The following AGAP1 variants were observed in gnomAD, a reference collection of about 807,000 sequenced individuals.
The protein encoded by AGAP1 is ArfGAP with GTPase domain, ankyrin repeat and PH domain 1.
AGAP1 carries 29 observed loss-of-function variants against 105.3 expected under a neutral mutation model. The ratio of observed to expected loss-of-function variants is 0.28; its 90% CI spans 0.21 to 0.38. The LOEUF (loss-of-function observed/expected upper bound fraction) is 0.38, where lower values mean the gene tolerates loss of function less well. AGAP1 is among the 10% of genes least tolerant of loss of function. The probability of loss-of-function intolerance (pLI) is 1.00; values close to 1 mark genes in which losing one functional copy is unlikely to be tolerated. For synonymous variants in AGAP1, 509 were observed against 485.9 expected, an observed-to-expected ratio of 1.05 and a Z score of -0.63; for missense variants, 998 against 1,165.1, an observed-to-expected ratio of 0.86 and a Z score of 2.09.
chr2:235,624,791 G>A (rs1188768830), intron 1 of AGAP1, among the ~76,000 whole-genome samples: 1 of 152,104 alleles, frequency 6.6e-6, no homozygotes, highest in Admixed American at 6.5e-5. Context: ...TGGATCATGG[G>A]GGCAGATCCC....
At chr2:235,671,661 G>A (rs1297440234) in intron 1 of AGAP1, among the ~76,000 whole-genome samples, 2 of 152,198 alleles carry the variant, frequency 1.3e-5, no homozygotes, top group East Asian at 3.9e-4. Flanking sequence ...TTTCCTGCCA[G>A]GTGGCATCTT....
intron 1 of AGAP1, among the ~76,000 whole-genome samples, chr2:235,605,673 T>C (rs1333174726): frequency 1.3e-5 from 2 of 152,230 alleles, no homozygotes; most frequent in South Asian, 2.1e-4. Context: ...AGACTCATTC[T>C]CCATCAGAAA....
At chr2:235,815,549 G>T (rs1958404167) in intron 9 of AGAP1, among the ~76,000 whole-genome samples, 2 of 152,268 alleles carry the variant, frequency 1.3e-5, no homozygotes, top group South Asian at 4.1e-4. Flanking sequence ...GCAGAGCTGG[G>T]ACGGGAGCTG....
chr2:235,765,511 G>A (rs935221425), intron 6 of AGAP1, among the ~76,000 whole-genome samples: 7 of 152,158 alleles, frequency 4.6e-5, no homozygotes, highest in Admixed American at 4.6e-4. Context: ...TCGTTTGGGG[G>A]CTCATCGGCT....
At chr2:235,745,536 G>A (rs1952861094) in intron 5 of AGAP1, among the ~76,000 whole-genome samples, 1 of 152,200 alleles carries the variant, frequency 6.6e-6, no homozygotes, top group South Asian at 2.1e-4. Flanking sequence ...AAAGTCAGAT[G>A]GAGGTTAGCT....
chr2:235,846,383 G>T (rs1003077081), intron 9 of AGAP1, among the ~76,000 whole-genome samples: 1 of 152,010 alleles, frequency 6.6e-6, no homozygotes, highest in South Asian at 2.1e-4. Flanking sequence ...GAGTGCAGTG[G>T]TGCGATGATC....
intron 1 of AGAP1, among the ~76,000 whole-genome samples, chr2:235,510,217 A>G (rs1025210165): frequency 1.6e-4 from 25 of 152,192 alleles, no homozygotes; most frequent in African/African-American, 5.8e-4. Flanking sequence ...TCATGAAACC[A>G]TCCCCCTGCC....
At chr2:235,519,744 A>G (rs578032284) in intron 1 of AGAP1, among the ~76,000 whole-genome samples, 1 of 152,264 alleles carries the variant, frequency 6.6e-6, no homozygotes, top group African/African-American at 2.4e-5. Flanking sequence ...TAATTAGTTC[A>G]TCCTGTATAT....
chr2:235,494,704 G>T lies in AGAP1; in HGVS notation c.18G>T (p.Gln6His). The T allele has an allele frequency of 1.3e-6, 2 of 1,540,754 alleles. No individual in the cohort carries two copies. Among genetic ancestry groups the T allele is most frequent in the Non-Finnish European group, 1.8e-6 (2 of 1,142,332 alleles). Reference protein sequence around the residue: MNYQQQLANSAAIRAE... With the variant: MNYQQHLANSAAIRAE... ...CCTGCACCATGAACTACCAGCAGCA[G>T]CTGGCCAACTCGGCTGCCATCCGGG... is the stretch of plus-strand genomic sequence containing the variant. Residue 6 changes from glutamine (Q) to histidine (H), a missense_variant, in exon 1 of 18, where the codon CAG (glutamine) becomes CAT (histidine). Transcript: ENST00000304032.
At chr2:235,593,845 T>C (rs949931435) in intron 1 of AGAP1, among the ~76,000 whole-genome samples, 2 of 152,054 alleles carry the variant, frequency 1.3e-5, no homozygotes, top group Non-Finnish European at 2.9e-5. Context: ...GGTGAGCATC[T>C]GTAGTCCCAG....
intron 15 of AGAP1, among the ~76,000 whole-genome samples, chr2:236,048,073 C>T (rs1044817612): frequency 1.3e-5 from 2 of 152,212 alleles, no homozygotes; most frequent in African/African-American, 4.8e-5. Context: ...GTGACCTAAG[C>T]TACTTGGTCT....
intron 9 of AGAP1, among the ~76,000 whole-genome samples, chr2:235,860,039 G>A: frequency 6.6e-6 from 1 of 152,152 alleles, no homozygotes; most frequent in East Asian, 1.9e-4. Context: ...TCTGTCCTCA[G>A]TAATGCTAAG....
rs150289788 is a variant in AGAP1, at chr2:235,736,630, A to G, written c.311-4333A>G. Reference sequence around the variant, plus strand: ...CTCCCTTTGGGAGGCTGAGGCAGGTAGACCGCTTGAGCCCAGGAGTTCGAG... The same window carrying G: ...CTCCCTTTGGGAGGCTGAGGCAGGTGGACCGCTTGAGCCCAGGAGTTCGAG... On this transcript the variant is annotated intron_variant, in intron 3 of 17. Coordinates refer to ENST00000304032, the MANE Select transcript of AGAP1 (RefSeq NM_001037131.3). The surrounding 1 kb of genome is among the most constrained non-coding windows in gnomAD (Gnocchi z 5.5). Among the ~76,000 whole-genome samples, 355 of 152,286 alleles carry G rather than the reference A, an allele frequency of 2.3e-3. 4 individuals are homozygous for G. The highest frequency in any genetic ancestry group is 0.02 in the East Asian group (105 of 5,162).
Position 235,864,795 on chromosome 2 carries a change from G to A in AGAP1, c.1051-18550G>A, listed in dbSNP as rs1575645009. 6.6e-6 allele frequency among the ~76,000 whole-genome samples: 1 copy of A among 152,154 alleles called. No homozygotes were observed. Among genetic ancestry groups the A allele is most frequent in the South Asian group, 2.1e-4 (1 of 4,820 alleles). ...TCTTTTCTTTCCTTTGGATGGAGGA[G>A]GTTTGGTTTGGTCTTAGTACCCCAG... On this transcript the variant is annotated intron_variant, in intron 9 of 17. Coordinates refer to ENST00000304032, the MANE Select transcript of AGAP1 (RefSeq NM_001037131.3). This position sits in a 1 kb window ranked among gnomAD's most constrained non-coding sequence, Gnocchi z 5.0.
At chr2:235,818,336 G>C (rs940641144) in intron 9 of AGAP1, among the ~76,000 whole-genome samples, 2 of 152,236 alleles carry the variant, frequency 1.3e-5, no homozygotes, top group African/African-American at 4.8e-5. Context: ...GAGTGGAAGA[G>C]CTGGGATTCA....
At chr2:235,499,599 G>T (rs561271308) in intron 1 of AGAP1, among the ~76,000 whole-genome samples, 1 of 152,312 alleles carries the variant, frequency 6.6e-6, no homozygotes, top group African/African-American at 2.4e-5. Flanking sequence ...GGCGTTCCTT[G>T]TGAGTCCAGC....
chr2:235,599,860 A>G lies in AGAP1; in HGVS notation c.163+105011A>G, dbSNP rs998307502. 2.6e-5 allele frequency among the ~76,000 whole-genome samples: 4 copies of G among 152,204 alleles called. No individual in the cohort carries two copies. Among genetic ancestry groups the G allele is most frequent in the Non-Finnish European group, 5.9e-5 (4 of 68,024 alleles). On this transcript the variant is annotated intron_variant, in intron 1 of 17. Transcript: ENST00000304032. This position sits in a 1 kb window ranked among gnomAD's most constrained non-coding sequence, Gnocchi z 5.3. ...CGGTCAGTCGCCCCTGGTGGAGGCAATGCTGGTACCCACGACGTGGAGCCC... is the reference window on the plus strand; with the variant it reads ...CGGTCAGTCGCCCCTGGTGGAGGCAGTGCTGGTACCCACGACGTGGAGCCC...
intron 1 of AGAP1, 64 bp downstream of exon 1, chr2:235,494,913 G>A (rs1398161215): frequency 6.8e-6 from 10 of 1,468,054 alleles, no homozygotes; most frequent in Non-Finnish European, 9.1e-6. Context: ...GCGGGGGTGT[G>A]CGCTGTGTGC....
At chr2:235,536,723 C>T (rs565825289) in intron 1 of AGAP1, among the ~76,000 whole-genome samples, 14 of 151,766 alleles carry the variant, frequency 9.2e-5, no homozygotes, top group East Asian at 7.8e-4. Flanking sequence ...ATGAGGTCTG[C>T]GAAGACGTCT....
Sources: gnomAD v4.1 joint callset for allele counts (sites outside exome capture counted in the v4.1 genomes callset) on GRCh38, gnomAD v4.1.1 for gene constraint, Gnocchi (gnomAD v3.1) non-coding constraint, MANE v1.5 for transcripts, NCBI Gene and HGNC (gene_info 2026-07-23, HGNC 2026-07-21) for gene names.